The following PISD variants were observed in gnomAD, a reference collection of about 807,000 sequenced individuals.
PISD encodes the protein phosphatidylserine decarboxylase proenzyme, mitochondrial.
In PISD, 31 loss-of-function variants were observed where a neutral mutation model predicts 43.5. That is an observed-to-expected ratio of 0.71 (90% CI 0.54 to 0.96). PISD has a LOEUF of 0.96. Ranked by LOEUF, PISD falls within the 40% of genes least tolerant of loss-of-function variation. PISD has a pLI of 0.00. For synonymous variants in PISD, 259 were observed against 228.7 expected (o/e 1.13, Z -1.20); for missense variants, 523 against 548.4 (o/e 0.95, Z 0.46).
At chr22:31,636,479 C>T (rs1457288794) in intron 3 of PISD, among the ~76,000 whole-genome samples, 1 of 152,212 alleles carries the variant, frequency 6.6e-6, no homozygotes, top group Non-Finnish European at 1.5e-5. Flanking sequence ...TCTCCTGCCT[C>T]AGCCTCCCAA....
rs1356457225 is a variant in PISD at position 31,626,139 on chromosome 22, C to T, written c.322-4254G>A. On this transcript the variant is annotated intron_variant, in intron 3 of 7. Transcript: ENST00000439502. ...CCCCAGTCCTGGCCACCTGCTCTGT[C>T]CCTGCTACCCAGGGCTGAGCCAGCC... 1.1e-5 allele frequency: 10 copies of T among 923,334 alleles called. No homozygotes were observed. The Admixed American group carries it at 3.7e-4, about 34-fold the overall frequency. 57.2% of individuals were successfully genotyped at this position (923,334 alleles called of 1,614,324 possible). A position where few individuals can be genotyped will look rare whatever the true frequency, so the allele number is the denominator to read the frequency against.
intron 3 of PISD, among the ~76,000 whole-genome samples, chr22:31,646,712 T>C (rs1337864474): frequency 1.3e-5 from 2 of 152,142 alleles, no homozygotes; most frequent in African/African-American, 4.8e-5. Context: ...ACCTACACTT[T>C]ACAAGTACTT....
chr22:31,620,910 G>A (rs1438206561), intron 6 of PISD, 86 bp downstream of exon 6: 2 of 1,474,734 alleles, frequency 1.4e-6, no homozygotes, highest in African/African-American at 2.8e-5. Flanking sequence ...CCCTGATCTG[G>A]AGCCTGGTCC....
chr22:31,648,012 G>T, intron 3 of PISD, 89 bp downstream of exon 3: 1 of 1,175,934 alleles, frequency 8.5e-7, no homozygotes, highest in Non-Finnish European at 1.2e-6. Flanking sequence ...TATTTGACTT[G>T]TTCAAACATT....
At chr22:31,660,306 T>C (rs939483791) in intron 1 of PISD, among the ~76,000 whole-genome samples, 2 of 152,222 alleles carry the variant, frequency 1.3e-5, no homozygotes, top group African/African-American at 2.4e-5. Flanking sequence ...TAGCTTTTTT[T>C]CTTTCCCTTT....
chr22:31,618,556 C>A lies in PISD; in HGVS notation c.*1056G>T, dbSNP rs1453859592. The A allele has an allele frequency of 1.1e-6, 1 of 872,868 alleles. No individual in the cohort carries two copies. The highest frequency in any genetic ancestry group is 1.6e-6 in the Non-Finnish European group (1 of 619,132). 54.1% of individuals were successfully genotyped at this position (872,868 alleles called of 1,614,324 possible). ...TAAATGAATTACTGTTCAGAAGTCTCCCACTTTTCATACAAAAATACTGTG... is the reference window on the plus strand; with the variant it reads ...TAAATGAATTACTGTTCAGAAGTCTACCACTTTTCATACAAAAATACTGTG... On this transcript the variant is annotated 3_prime_UTR_variant, in exon 8 of 8. Coordinates refer to ENST00000439502, the MANE Select transcript of PISD (RefSeq NM_001326411.2).
intron 3 of PISD, among the ~76,000 whole-genome samples, chr22:31,647,183 T>C (rs2073909635): frequency 6.6e-6 from 1 of 152,248 alleles, no homozygotes; most frequent in Admixed American, 6.5e-5. Context: ...CTGTTAGAGC[T>C]GGATGGAATC....
intron 3 of PISD, chr22:31,625,801 T>C (rs913326015): frequency 2.1e-5 from 33 of 1,600,884 alleles, no homozygotes; most frequent in Non-Finnish European, 2.5e-5. Flanking sequence ...GCCGCGCCTC[T>C]GACTGACACA....
chr22:31,652,291 C>G (rs2074049248), intron 1 of PISD, among the ~76,000 whole-genome samples: 1 of 151,864 alleles, frequency 6.6e-6, no homozygotes, highest in Non-Finnish European at 1.5e-5. Flanking sequence ...GCCACTGCAC[C>G]TGACTAATTT....
intron 3 of PISD, among the ~76,000 whole-genome samples, chr22:31,646,264 T>C (rs1050682909): frequency 6.6e-6 from 1 of 152,160 alleles, no homozygotes; most frequent in African/African-American, 2.4e-5. Context: ...AAGGAGTGGT[T>C]CTGTGACCAT....
intron 3 of PISD, among the ~76,000 whole-genome samples, chr22:31,637,800 G>A (rs570106987): frequency 2.4e-4 from 36 of 152,186 alleles, no homozygotes; most frequent in Non-Finnish European, 4.3e-4. Context: ...CCCCTCACCC[G>A]GCACTGGCTA....
chr22:31,637,476 T>C (rs1271593334), intron 3 of PISD, among the ~76,000 whole-genome samples: 1 of 151,922 alleles, frequency 6.6e-6, no homozygotes, highest in Admixed American at 6.6e-5. Flanking sequence ...CTAACCCTGG[T>C]CTCACGCCAC....
chr22:31,648,940 C>T lies in PISD; in HGVS notation c.146-664G>A, dbSNP rs948568465. Among the ~76,000 whole-genome samples the T allele has an allele frequency of 7.2e-5, 11 of 152,302 alleles. No individual in the cohort carries two copies. In the East Asian group the frequency reaches 1.9e-3, roughly 27 times the overall value. ...CACCAACAGGTCCAGAACTTGAAGC[C>T]AAACACCATTTCTCACCCAGGGCTC... On this transcript the variant is annotated intron_variant, in intron 2 of 7. Coordinates refer to ENST00000439502, the MANE Select transcript of PISD (RefSeq NM_001326411.2).
chr22:31,646,872 C>CTT (rs377752290), intron 3 of PISD, among the ~76,000 whole-genome samples: 1 of 149,646 alleles, frequency 6.7e-6, no homozygotes, highest in African/African-American at 2.5e-5. Context: ...TACCGGAAAA[C>CTT]TTTTTTTTTT....
At chr22:31,642,022 A>G (rs1170376103) in intron 3 of PISD, among the ~76,000 whole-genome samples, 1 of 151,062 alleles carries the variant, frequency 6.6e-6, no homozygotes, top group Admixed American at 6.6e-5. Flanking sequence ...GGCTTTCATC[A>G]TGAGGAAAAG....
chr22:31,629,492 A>G (rs1046587968), intron 3 of PISD, among the ~76,000 whole-genome samples: 12 of 134,944 alleles, frequency 8.9e-5, no homozygotes, highest in Non-Finnish European at 1.4e-4. Context: ...CGTAGGTGTG[A>G]GGGTGGGCGC....
intron 3 of PISD, among the ~76,000 whole-genome samples, chr22:31,640,272 C>T (rs1348508967): frequency 6.6e-6 from 1 of 150,498 alleles, no homozygotes; most frequent in East Asian, 1.9e-4. Flanking sequence ...AATCTCAACT[C>T]ACTGCAACCT....
chr22:31,620,327 A>G (rs968316303), intron 7 of PISD, among the ~76,000 whole-genome samples: 2 of 152,220 alleles, frequency 1.3e-5, no homozygotes, highest in African/African-American at 2.4e-5. Flanking sequence ...AATTCCCTCC[A>G]TCTCTTCCAG....
At chr22:31,637,153 AAAAAAAAAAAAATATATAT>A (rs1345164093) in intron 3 of PISD, among the ~76,000 whole-genome samples, 676 of 33,336 alleles carry the variant, frequency 0.02, 5 homozygotes, top group Non-Finnish European at 0.032. Context: ...TAAAAAAAAA[AAAAAAAAAAAAATATATAT>A]ATATATATAT....
Sources: allele counts gnomAD v4.1 joint callset (sites outside exome capture counted in the v4.1 genomes callset), GRCh38; gene constraint gnomAD v4.1.1; transcripts MANE v1.5; gene names NCBI Gene and HGNC (gene_info 2026-07-23, HGNC 2026-07-21).